Variants in FUT9 observed in about 807,000 individuals in gnomAD.
FUT9 encodes the protein 4-galactosyl-N-acetylglucosaminide 3-alpha-L-fucosyltransferase 9.
Under a neutral mutation model 29.7 loss-of-function variants are expected in FUT9, and 15 were observed. The observed-to-expected ratio is 0.51, with a 90% CI of 0.34 to 0.78. The LOEUF is 0.78. Ranked by LOEUF, FUT9 falls within the 30% of genes least tolerant of loss-of-function variation. FUT9 has a pLI of 0.01. For synonymous variants in FUT9, 169 were observed against 153.7 expected, an observed-to-expected ratio of 1.10 and a Z score of -0.74; for missense variants, 319 against 425.4, an observed-to-expected ratio of 0.75 and a Z score of 2.20.
intron 1 of FUT9, among the ~76,000 whole-genome samples, chr6:96,039,223 A>C (rs1770413151): frequency 6.6e-6 from 1 of 151,964 alleles, no homozygotes; most frequent in Admixed American, 6.6e-5. Flanking sequence ...ATACACACAC[A>C]CCCACACACA....
intron 2 of FUT9, among the ~76,000 whole-genome samples, chr6:96,127,256 T>C (rs533482847): frequency 6.6e-6 from 1 of 152,294 alleles, no homozygotes; most frequent in South Asian, 2.1e-4. Flanking sequence ...GTGTACTCAG[T>C]GTTTAGCTCC....
chr6:96,190,013 A>C (rs1217956442), intron 2 of FUT9, among the ~76,000 whole-genome samples: 6 of 152,112 alleles, frequency 3.9e-5, no homozygotes, highest in Admixed American at 1.3e-4. Flanking sequence ...AATGGTCTTT[A>C]CAATATGGCA....
At chr6:96,060,381 TTAAA>T (rs1456456470) in intron 1 of FUT9, among the ~76,000 whole-genome samples, 1 of 152,234 alleles carries the variant, frequency 6.6e-6, no homozygotes, top group East Asian at 1.9e-4. Context: ...TTTATAACCA[TTAAA>T]TACAGAACAA....
chr6:96,154,313 A>G (rs12525445), intron 2 of FUT9, among the ~76,000 whole-genome samples: 22,134 of 152,176 alleles, frequency 0.15, 1,787 homozygotes, highest in Non-Finnish European at 0.18. Flanking sequence ...TATTCCCTTT[A>G]GTCATTTATA....
At chr6:96,135,374 T>C (rs1336572055) in intron 2 of FUT9, among the ~76,000 whole-genome samples, 1 of 151,898 alleles carries the variant, frequency 6.6e-6, no homozygotes, top group Non-Finnish European at 1.5e-5. Context: ...CAATGTCCTA[T>C]TGGAATTAGA....
intron 1 of FUT9, among the ~76,000 whole-genome samples, chr6:96,045,067 A>G (rs985386140): frequency 3.3e-5 from 5 of 152,200 alleles, no homozygotes; most frequent in African/African-American, 1.2e-4. Flanking sequence ...CTCACTGAAC[A>G]GGAGAATGTC....
intron 1 of FUT9, among the ~76,000 whole-genome samples, chr6:96,051,346 A>C (rs1316832821): frequency 6.6e-6 from 1 of 152,118 alleles, no homozygotes; most frequent in Non-Finnish European, 1.5e-5. Context: ...ACTGACTTGA[A>C]ATTCTTTTTG....
At chr6:96,142,612 G>A (rs749173623) in intron 2 of FUT9, among the ~76,000 whole-genome samples, 1 of 152,148 alleles carries the variant, frequency 6.6e-6, no homozygotes, top group Non-Finnish European at 1.5e-5. Flanking sequence ...TCTTTTGTGT[G>A]TGTCCCACCC....
chr6:96,178,468 A>T (rs1455266959), intron 2 of FUT9, among the ~76,000 whole-genome samples: 1 of 152,192 alleles, frequency 6.6e-6, no homozygotes, highest in Non-Finnish European at 1.5e-5. Flanking sequence ...CAATCAAACT[A>T]TATAATAAGG....
At chr6:96,033,116 T>A (rs1300108589) in intron 1 of FUT9, among the ~76,000 whole-genome samples, 1 of 151,648 alleles carries the variant, frequency 6.6e-6, no homozygotes, top group African/African-American at 2.4e-5. Context: ...TAATTACACC[T>A]TATGCAGATA....
At chr6:96,044,071 G>GT (rs1770515731) in intron 1 of FUT9, among the ~76,000 whole-genome samples, 1 of 152,182 alleles carries the variant, frequency 6.6e-6, no homozygotes, top group Non-Finnish European at 1.5e-5. Context: ...ATTTGGGTAA[G>GT]TGGTTGCGAG....
chr6:96,064,770 C>T (rs567154758), intron 1 of FUT9, among the ~76,000 whole-genome samples: 26 of 152,216 alleles, frequency 1.7e-4, no homozygotes, highest in African/African-American at 5.8e-4. Context: ...TGCACACACA[C>T]GCAAACACAC....
chr6:96,153,426 A>G (rs1198763437), intron 2 of FUT9, among the ~76,000 whole-genome samples: 1 of 152,296 alleles, frequency 6.6e-6, no homozygotes, highest in Non-Finnish European at 1.5e-5. Context: ...GGAAAAACTA[A>G]CACTTCTTCT....
intron 2 of FUT9, among the ~76,000 whole-genome samples, chr6:96,188,348 C>G (rs1308708135): frequency 6.6e-6 from 1 of 151,934 alleles, no homozygotes; most frequent in Non-Finnish European, 1.5e-5. Context: ...CTCACTGCAG[C>G]CTCGAACTCC....
rs913862520 is a variant in FUT9, at chr6:96,214,852, G to T, written c.*10617G>T. The T allele has an allele frequency of 3.0e-5, 5 of 166,908 alleles. No homozygotes were observed. The highest frequency in any genetic ancestry group is 1.2e-4 in the African/African-American group (5 of 41,398). 10.3% of individuals were successfully genotyped at this position (166,908 alleles called of 1,614,324 possible). A position where few individuals can be genotyped will look rare whatever the true frequency, so the allele number is the denominator to read the frequency against. ...TTTATTTATTTATTTACAGAAGATT[G>T]GTTCCTTCCAGTTCAATTTAACAGC... On this transcript the variant is annotated 3_prime_UTR_variant, in exon 3 of 3. Coordinates refer to ENST00000302103, the MANE Select transcript of FUT9 (RefSeq NM_006581.4).
At chr6:96,196,933 G>T (rs1379825639) in intron 2 of FUT9, among the ~76,000 whole-genome samples, 1 of 152,068 alleles carries the variant, frequency 6.6e-6, no homozygotes, top group Non-Finnish European at 1.5e-5. Context: ...ATATTTTTAG[G>T]TTTTATTAGT....
At chr6:96,130,565 T>A (rs536284356) in intron 2 of FUT9, among the ~76,000 whole-genome samples, 1 of 152,290 alleles carries the variant, frequency 6.6e-6, no homozygotes, top group Non-Finnish European at 1.5e-5. Context: ...CTGCAATTCA[T>A]GAGCCTGAGT....
At chr6:96,179,003 G>A (rs1431845353) in intron 2 of FUT9, among the ~76,000 whole-genome samples, 1 of 151,612 alleles carries the variant, frequency 6.6e-6, no homozygotes, top group Non-Finnish European at 1.5e-5. Context: ...CTGTCATTTT[G>A]GGATTTCGAA....
chr6:96,046,204 AC>A (rs1415329367), intron 1 of FUT9, among the ~76,000 whole-genome samples: 1 of 128,532 alleles, frequency 7.8e-6, no homozygotes. Flanking sequence ...ATATACCATG[AC>A]CCAGTACACA....
Sources: allele counts gnomAD v4.1 joint callset (sites outside exome capture counted in the v4.1 genomes callset), GRCh38; gene constraint gnomAD v4.1.1; transcripts MANE v1.5; gene names NCBI Gene and HGNC (gene_info 2026-07-23, HGNC 2026-07-21).